MED12L: variants seen among roughly 807,000 people sequenced by gnomAD.
The protein encoded by MED12L is mediator of RNA polymerase II transcription subunit 12-like protein.
In MED12L, 60 loss-of-function variants were observed where a neutral mutation model predicts 281.3. That is an observed-to-expected ratio of 0.21 (90% confidence interval 0.17 to 0.26). The LOEUF (loss-of-function observed/expected upper bound fraction) is 0.26, where lower values mean the gene tolerates loss of function less well. MED12L is among the 10% of genes least tolerant of loss of function. MED12L has a pLI of 1.00. For missense variants in MED12L, 2,146 were observed against 2,680.9 expected (o/e 0.80, Z 4.41); for synonymous variants, 974 against 987.2 (o/e 0.99, Z 0.25).
rs760793721 is a variant in MED12L at position 151,343,868 on chromosome 3, G to A, written c.2251-6191G>A. On this transcript the variant is annotated intron_variant, in intron 16 of 44. Transcript: ENST00000687756. ...TCTTTTGGAACTGGGCAGGAGGATAGAGATATAATTATGACATTTGATAGC... is the reference window on the plus strand; with the variant it reads ...TCTTTTGGAACTGGGCAGGAGGATAAAGATATAATTATGACATTTGATAGC... 8.9e-4 allele frequency among the ~76,000 whole-genome samples: 135 copies of A among 152,310 alleles called. 1 individual carries two copies. The highest frequency in any genetic ancestry group is 2.4e-3 in the Admixed American group (36 of 15,294).
At chr3:151,269,815 A>C in intron 16 of MED12L, 1 of 430,924 alleles carries the variant, frequency 2.3e-6, no homozygotes, top group South Asian at 1.7e-5. Flanking sequence ...AAAGGATATA[A>C]TGAAAACGTT....
intron 16 of MED12L, among the ~76,000 whole-genome samples, chr3:151,335,770 G>T (rs1187046377): frequency 6.6e-6 from 1 of 152,074 alleles, no homozygotes; most frequent in Non-Finnish European, 1.5e-5. Context: ...GATGTCTAAG[G>T]TCTCTGAATA....
Position 151,372,722 on chromosome 3 carries a change from T to G in MED12L, c.3820T>G (p.Leu1274Val). The G allele has an allele frequency of 3.1e-6, 5 of 1,613,884 alleles. No individual in the cohort carries two copies. Among genetic ancestry groups the G allele is most frequent in the Non-Finnish European group, 4.2e-6 (5 of 1,179,828 alleles). The change falls in exon 27 of 45, where the codon TTA (leucine) becomes GTA (valine). Residue 1274 changes from leucine to valine, a missense_variant. Physicochemically the swap from Leu to Val is conservative, Grantham distance 32. This residue lies in a region of MED12L where 235 missense variants were observed against 260.3 expected (regional missense o/e 0.90). Transcript: ENST00000687756. ...GKSISIETAN[L>V]REYARYVLRT... ...AAGCATTTCCATAGAAACTGCCAATTTAAGAGAATACGCTAGATATGTACT... is the reference window on the plus strand; with the variant it reads ...AAGCATTTCCATAGAAACTGCCAATGTAAGAGAATACGCTAGATATGTACT...
At chr3:151,088,551 C>T (rs1363386727) in intron 2 of MED12L, among the ~76,000 whole-genome samples, 1 of 152,136 alleles carries the variant, frequency 6.6e-6, no homozygotes, top group Non-Finnish European at 1.5e-5. Flanking sequence ...CAGAGGGCAG[C>T]ATAATTGATG....
intron 11 of MED12L, among the ~76,000 whole-genome samples, chr3:151,180,057 T>C (rs1722531883): frequency 6.6e-6 from 1 of 152,210 alleles, no homozygotes; most frequent in African/African-American, 2.4e-5. Context: ...GGAAAATATT[T>C]ATTGGTTAAA....
At chr3:151,266,807 G>A (rs1474173890) in intron 16 of MED12L, among the ~76,000 whole-genome samples, 1 of 152,192 alleles carries the variant, frequency 6.6e-6, no homozygotes, top group Non-Finnish European at 1.5e-5. Context: ...GCAAAAAAGT[G>A]CTGTAGATGT....
chr3:151,233,857 TTG>T (rs1334453437), intron 16 of MED12L, among the ~76,000 whole-genome samples: 4 of 152,256 alleles, frequency 2.6e-5, no homozygotes, highest in African/African-American at 9.6e-5. Flanking sequence ...CTGTCCTGAA[TTG>T]TGTGTTTTTT....
chr3:151,174,361 ATTAC>A (rs1721792553), intron 11 of MED12L, among the ~76,000 whole-genome samples: 1 of 152,128 alleles, frequency 6.6e-6, no homozygotes, highest in African/African-American at 2.4e-5. Context: ...TTTCATTTGT[ATTAC>A]TTAAACGTTG....
intron 11 of MED12L, 72 bp from the exon 12 acceptor site, chr3:151,185,258 G>T: frequency 6.7e-7 from 1 of 1,495,918 alleles, no homozygotes; most frequent in East Asian, 2.3e-5. Context: ...ATATTCCCTT[G>T]CTTGCTTCCT....
chr3:151,156,284 T>G lies in MED12L; in HGVS notation c.680T>G (p.Met227Arg). 6.2e-7 allele frequency: 1 copy of G among 1,612,948 alleles called. No homozygotes were observed. Among genetic ancestry groups the G allele is most frequent in the Non-Finnish European group, 8.5e-7 (1 of 1,179,584 alleles). ...GTGCCACCAGAGGTGGAGCAAGCCA[T>G]GAAGCAATGGGAATACAACGAAAAG... ...VPVPPEVEQA[M>R]KQWEYNEKLA... The change falls in exon 6 of 45, where the codon ATG becomes AGG. Residue 227 changes from methionine to arginine, a missense_variant. Physicochemically the swap from Met to Arg is moderately conservative, Grantham distance 91. This residue lies in a region of MED12L where 722 missense variants were observed against 861.2 expected (regional missense o/e 0.84). Transcript: ENST00000687756.
intron 12 of MED12L, among the ~76,000 whole-genome samples, chr3:151,186,434 C>T (rs947795831): frequency 6.6e-6 from 1 of 152,212 alleles, no homozygotes; most frequent in Non-Finnish European, 1.5e-5. Flanking sequence ...GCAGCATCTC[C>T]TGAGCTACCT....
chr3:151,430,293 T>A lies in MED12L; in HGVS notation c.6409-6T>A, dbSNP rs1183598722. The stretch of plus-strand genomic sequence containing the variant: ...ATTTCTGTCCTTTCTCCTGTCGCCA[T>A]TACAGTTTCCCAGGCAAGGCTTGCA... On this transcript the variant is annotated splice_region_variant and splice_polypyrimidine_tract_variant and intron_variant, in intron 43 of 44. Transcript: ENST00000687756. 6.2e-7 allele frequency: 1 copy of A among 1,614,024 alleles called. No individual in the cohort carries two copies. Among genetic ancestry groups the A allele is most frequent in the African/African-American group, 1.3e-5 (1 of 74,936 alleles).
chr3:151,383,648 A>G lies in MED12L; in HGVS notation c.4681-131A>G, dbSNP rs192098678. On this transcript the variant is annotated intron_variant, in intron 33 of 44. Coordinates refer to ENST00000687756, the MANE Select transcript of MED12L (RefSeq NM_001393769.1). ...AACATGTAGGTAAAAGAGAAAAGAT[A>G]AGGTAATCTATAAACTAGAGCATCC... 5.7e-5 allele frequency: 34 copies of G among 598,132 alleles called. No homozygotes were observed. The Admixed American group carries it at 6.2e-4, about 11-fold the overall frequency. The allele number at this position is 598,132 out of a possible 1,614,324, so 37.1% of individuals were successfully genotyped here. A position where few individuals can be genotyped will look rare whatever the true frequency, so the allele number is the denominator to read the frequency against.
chr3:151,219,898 C>T (rs1401632637), intron 16 of MED12L, among the ~76,000 whole-genome samples: 2 of 138,266 alleles, frequency 1.4e-5, no homozygotes, highest in Non-Finnish European at 3.1e-5. Context: ...ATTACCCCCC[C>T]CCCCCCCTTG....
At chr3:151,315,548 A>G (rs1404837127) in intron 16 of MED12L, among the ~76,000 whole-genome samples, 1 of 152,198 alleles carries the variant, frequency 6.6e-6, no homozygotes, top group East Asian at 1.9e-4. Flanking sequence ...TATACCTGCA[A>G]CACATTTCAA....
intron 16 of MED12L, among the ~76,000 whole-genome samples, chr3:151,292,901 A>G (rs1744460106): frequency 6.6e-6 from 1 of 152,220 alleles, no homozygotes; most frequent in South Asian, 2.1e-4. Flanking sequence ...CTGATCTAAA[A>G]TATGACTATC....
chr3:151,218,233 C>G (rs987173628), intron 16 of MED12L, among the ~76,000 whole-genome samples: 1 of 152,198 alleles, frequency 6.6e-6, no homozygotes, highest in Admixed American at 6.5e-5. Flanking sequence ...GCAACCCTCC[C>G]TTCCCTGCCC....
At chr3:151,364,355 G>C (rs1755019445) in intron 21 of MED12L, among the ~76,000 whole-genome samples, 1 of 152,104 alleles carries the variant, frequency 6.6e-6, no homozygotes, top group Non-Finnish European at 1.5e-5. Context: ...TAATGCCTCT[G>C]AGAAATACAA....
intron 16 of MED12L, among the ~76,000 whole-genome samples, chr3:151,224,156 A>G (rs1030370081): frequency 6.6e-6 from 1 of 152,210 alleles, no homozygotes. Flanking sequence ...ATTGCCTTCA[A>G]ATAATGCTTT....
Sources: allele counts gnomAD v4.1 joint callset (sites outside exome capture counted in the v4.1 genomes callset), GRCh38; gene constraint gnomAD v4.1.1; regional missense constraint gnomAD v4.1.1; transcripts MANE v1.5; gene names NCBI Gene and HGNC (gene_info 2026-07-23, HGNC 2026-07-21).